Variants in ZFHX3 observed in about 807,000 individuals in gnomAD.
ZFHX3 encodes zinc finger homeobox 3.
ZFHX3 carries 42 observed loss-of-function variants against 279.1 expected under a neutral mutation model. The ratio of observed to expected loss-of-function variants is 0.15; its 90% CI spans 0.12 to 0.19. The LOEUF (loss-of-function observed/expected upper bound fraction) is 0.19, where lower values mean the gene tolerates loss of function less well. Ranked by LOEUF, ZFHX3 falls within the 10% of genes least tolerant of loss-of-function variation. ZFHX3 has a pLI of 1.00. For missense variants in ZFHX3, 4,981 were observed against 4,754.0 expected (o/e 1.05, Z -1.40); for synonymous variants, 2,293 against 1,957.8 (o/e 1.17, Z -4.52).
In ZFHX3 at chr16:73,308,224, CATATAT is replaced by C. The variant is rs56199536; in HGVS notation, c.-1194+10010_-1194+10015del. Among the ~76,000 whole-genome samples the C allele has an allele frequency of 3.6e-3, 394 of 108,158 alleles. 1 individual carries two copies. Among genetic ancestry groups the C allele is most frequent in the East Asian group, 6.4e-3 (16 of 2,488 alleles). The allele number at this position is 108,158 out of a possible 152,430, so 71.0% of individuals were successfully genotyped here. On this transcript the variant is annotated intron_variant, in intron 4 of 17. Coordinates refer to the ZFHX3 transcript ENST00000641206. ...TTGAGTTATCTGAGCCATATGCATG[CATATAT>C]ATATATATATATATATATATATATA...
At chr16:72,925,280 G>C (rs191684663) in intron 3 of ZFHX3, among the ~76,000 whole-genome samples, 1 of 152,174 alleles carries the variant, frequency 6.6e-6, no homozygotes, top group Non-Finnish European at 1.5e-5. Flanking sequence ...CTTGCCCACC[G>C]TCAATGCAGC....
At chr16:73,431,474 T>C (rs1174715190) in intron 3 of ZFHX3, among the ~76,000 whole-genome samples, 1 of 152,040 alleles carries the variant, frequency 6.6e-6, no homozygotes, top group Non-Finnish European at 1.5e-5. Context: ...CCAGGAGGTG[T>C]ACGTTGCAGT....
At chr16:73,563,620 G>A (rs547872087) in intron 2 of ZFHX3, among the ~76,000 whole-genome samples, 11 of 152,180 alleles carry the variant, frequency 7.2e-5, no homozygotes, top group Admixed American at 4.6e-4. Flanking sequence ...TCTGTGTTGC[G>A]TGAAACAGCA....
intron 3 of ZFHX3, among the ~76,000 whole-genome samples, chr16:72,895,271 T>C (rs2038872017): frequency 6.6e-6 from 1 of 152,226 alleles, no homozygotes; most frequent in Non-Finnish European, 1.5e-5. Context: ...GCTTGAATAC[T>C]GTTTTGAGAA....
intron 1 of ZFHX3, among the ~76,000 whole-genome samples, chr16:73,041,442 G>T (rs563995705): frequency 2.8e-4 from 36 of 128,478 alleles, no homozygotes; most frequent in Admixed American, 5.2e-4. Flanking sequence ...CGTCATTTCT[G>T]CCATTCTTTA....
chr16:72,847,283 A>C (rs559530206), intron 4 of ZFHX3, among the ~76,000 whole-genome samples: 1 of 152,300 alleles, frequency 6.6e-6, no homozygotes, highest in Non-Finnish European at 1.5e-5. Context: ...TGTAGAAGAA[A>C]GTCTGCTCAA....
chr16:73,161,481 A>G lies in ZFHX3; in HGVS notation c.-1103-17650T>C, dbSNP rs566024103. 3.9e-3 allele frequency among the ~76,000 whole-genome samples: 587 copies of G among 152,318 alleles called. 4 individuals carry two copies. Among genetic ancestry groups the G allele is most frequent in the Non-Finnish European group, 6.3e-3 (430 of 68,042 alleles). ...TTATGTGCTATTTGTGGAAGGGATT[A>G]TATGTCTTTGTGCCTCCAAAGTGCC... On this transcript the variant is annotated intron_variant, in intron 5 of 17. Transcript: ENST00000641206.
At chr16:73,812,407 A>G (rs1425560841) in intron 1 of ZFHX3, among the ~76,000 whole-genome samples, 1 of 152,122 alleles carries the variant, frequency 6.6e-6, no homozygotes, top group Non-Finnish European at 1.5e-5. Flanking sequence ...ATTTACCACA[A>G]TGCACTATAG....
chr16:72,870,941 G>A (rs990262229), intron 4 of ZFHX3, among the ~76,000 whole-genome samples: 10 of 152,094 alleles, frequency 6.6e-5, no homozygotes, highest in African/African-American at 9.7e-5. Context: ...TTATTTTGAT[G>A]TCAAGGGGCA....
intron 1 of ZFHX3, among the ~76,000 whole-genome samples, chr16:73,036,827 A>C (rs1342082582): frequency 6.6e-6 from 1 of 152,200 alleles, no homozygotes; most frequent in Non-Finnish European, 1.5e-5. Context: ...AAAATGAAAA[A>C]AAATAAAATT....
At chr16:73,811,068 T>C (rs1178430978) in intron 1 of ZFHX3, among the ~76,000 whole-genome samples, 2 of 151,960 alleles carry the variant, frequency 1.3e-5, no homozygotes, top group East Asian at 3.9e-4. Flanking sequence ...TACAAAGATA[T>C]CAAATAGAAA....
chr16:72,848,753 G>A (rs769074307), intron 4 of ZFHX3, among the ~76,000 whole-genome samples: 5 of 149,162 alleles, frequency 3.4e-5, no homozygotes, highest in Admixed American at 6.7e-5. Context: ...CCCATGCCAC[G>A]CCCAGACCCA....
intron 1 of ZFHX3, among the ~76,000 whole-genome samples, chr16:73,787,444 A>G (rs537735679): frequency 5.5e-4 from 84 of 152,308 alleles, no homozygotes; most frequent in Non-Finnish European, 8.4e-4. Context: ...TGGCAACAAT[A>G]TAAGTACTGT....
chr16:73,567,976 C>G (rs1239276959), intron 2 of ZFHX3, among the ~76,000 whole-genome samples: 1 of 152,130 alleles, frequency 6.6e-6, no homozygotes, highest in Non-Finnish European at 1.5e-5. Context: ...CAAAGTACCA[C>G]CCCAACCAAC....
chr16:73,501,901 T>A (rs1161263744), intron 2 of ZFHX3, among the ~76,000 whole-genome samples: 3 of 152,154 alleles, frequency 2.0e-5, no homozygotes, highest in African/African-American at 4.8e-5. Flanking sequence ...CCTCCTTACC[T>A]CTCTGGGGAA....
chr16:73,023,518 C>T (rs1331707045), intron 1 of ZFHX3, among the ~76,000 whole-genome samples: 1 of 152,188 alleles, frequency 6.6e-6, no homozygotes, highest in Non-Finnish European at 1.5e-5. Context: ...TCATAAGCCA[C>T]GAGGGCCAAA....
intron 1 of ZFHX3, among the ~76,000 whole-genome samples, chr16:73,764,337 C>A (rs2053904163): frequency 1.3e-5 from 2 of 152,008 alleles, no homozygotes; most frequent in African/African-American, 2.4e-5. Context: ...TATGAGAAAT[C>A]TTTTTTATAT....
intron 5 of ZFHX3, among the ~76,000 whole-genome samples, chr16:73,151,209 T>C (rs1966933395): frequency 6.6e-6 from 1 of 152,188 alleles, no homozygotes; most frequent in Non-Finnish European, 1.5e-5. Context: ...CTGTATTGTA[T>C]ATAATTTCTA....
At chr16:73,781,244 T>C (rs372089586) in intron 1 of ZFHX3, among the ~76,000 whole-genome samples, 4 of 152,342 alleles carry the variant, frequency 2.6e-5, no homozygotes, top group African/African-American at 9.6e-5. Context: ...TCCATGATTC[T>C]CAAACTTCAA....
Sources: gnomAD v4.1 joint callset for allele counts (sites outside exome capture counted in the v4.1 genomes callset) on GRCh38, gnomAD v4.1.1 for gene constraint, MANE v1.5 for transcripts, NCBI Gene and HGNC (gene_info 2026-07-23, HGNC 2026-07-21) for gene names.